The following ELAVL2 variants were observed in gnomAD, a reference collection of about 807,000 sequenced individuals.
The protein encoded by ELAVL2 is ELAV-like protein 2.
ELAVL2 carries 4 observed loss-of-function variants against 34.6 expected under a neutral mutation model. The observed-to-expected ratio is 0.12, with a 90% CI of 0.06 to 0.26. The LOEUF (loss-of-function observed/expected upper bound fraction) is 0.26, where lower values mean the gene tolerates loss of function less well. Ranked by LOEUF, ELAVL2 falls within the 10% of genes least tolerant of loss-of-function variation. ELAVL2 has a pLI of 1.00. For synonymous variants in ELAVL2, 193 were observed against 154.8 expected (o/e 1.25, Z -1.83); for missense variants, 432 against 442.8 (o/e 0.98, Z 0.22).
chr9:23,774,644 G>A (rs543405859), intron 1 of ELAVL2, among the ~76,000 whole-genome samples: 2 of 149,778 alleles, frequency 1.3e-5, no homozygotes, highest in South Asian at 2.2e-4. Flanking sequence ...AAAAGTGTGT[G>A]ACCCCCACCC....
intron 2 of ELAVL2, among the ~76,000 whole-genome samples, chr9:23,759,295 T>G (rs532234824): frequency 6.6e-6 from 1 of 151,956 alleles, no homozygotes; most frequent in South Asian, 2.1e-4. Context: ...GAGGACACTA[T>G]GTTAAGTGAG....
chr9:23,693,044 G>A (rs116232729), intron 6 of ELAVL2, among the ~76,000 whole-genome samples, 160 bp from the exon 7 acceptor site: 1,630 of 152,288 alleles, frequency 0.011, 35 homozygotes, highest in African/African-American at 0.038. Flanking sequence ...AGGTCTGTGT[G>A]TGGCTTTGCA....
chr9:23,763,609 A>T (rs1483242912), intron 1 of ELAVL2, among the ~76,000 whole-genome samples: 1 of 151,948 alleles, frequency 6.6e-6, no homozygotes, highest in Admixed American at 6.6e-5. Flanking sequence ...AAAGAGAAAA[A>T]ACTGTCTTTT....
intron 1 of ELAVL2, chr9:23,779,240 A>C: frequency 1.0e-6 from 1 of 985,412 alleles, no homozygotes; most frequent in Non-Finnish European, 1.2e-6. Flanking sequence ...GTCTTACTTC[A>C]CACTTTTTCT....
chr9:23,720,404 C>T (rs1057063180), intron 3 of ELAVL2, among the ~76,000 whole-genome samples: 1 of 149,792 alleles, frequency 6.7e-6, no homozygotes, highest in Non-Finnish European at 1.5e-5. Flanking sequence ...TCCTGAACTT[C>T]TGACTGCCCA....
intron 1 of ELAVL2, among the ~76,000 whole-genome samples, chr9:23,769,286 C>T (rs1269082334): frequency 6.6e-6 from 1 of 152,142 alleles, no homozygotes; most frequent in Non-Finnish European, 1.5e-5. Flanking sequence ...GGGACAAAAG[C>T]ACTCCAAAAT....
chr9:23,811,303 C>T (rs1357991612), intron 1 of ELAVL2, among the ~76,000 whole-genome samples: 3 of 151,354 alleles, frequency 2.0e-5, no homozygotes, highest in Non-Finnish European at 2.9e-5. Context: ...GGTAACGCAG[C>T]GTACAAGCTG....
At chr9:23,699,650 A>AT in intron 5 of ELAVL2, among the ~76,000 whole-genome samples, 1 of 152,136 alleles carries the variant, frequency 6.6e-6, no homozygotes, top group East Asian at 1.9e-4. Context: ...ATTTATACAT[A>AT]TATTATTCAC....
At chr9:23,740,181 T>C (rs58422217) in intron 2 of ELAVL2, among the ~76,000 whole-genome samples, 10,471 of 152,228 alleles carry the variant, frequency 0.069, 1,176 homozygotes, top group African/African-American at 0.24. Context: ...CCATTCCCAC[T>C]GCCCCATAAA....
chr9:23,734,049 T>G (rs1017951038), intron 2 of ELAVL2, among the ~76,000 whole-genome samples: 1 of 152,218 alleles, frequency 6.6e-6, no homozygotes, highest in Non-Finnish European at 1.5e-5. Context: ...AGAATATGTT[T>G]GAGGTAAGCA....
Position 23,692,414 on chromosome 9 carries a change from A to C in ELAVL2, c.*143T>G. On this transcript the variant is annotated 3_prime_UTR_variant, in exon 7 of 7. Coordinates refer to ENST00000397312, the MANE Select transcript of ELAVL2 (RefSeq NM_004432.5). The stretch of plus-strand genomic sequence containing the variant: ...TCAAATACTAGCAATAAAAAATCTC[A>C]CATATTTCTTAGGATGCTAAGTAGT... 7 of 825,274 alleles carry C rather than the reference A, an allele frequency of 8.5e-6. 1 individual carries two copies. The South Asian group carries it at 1.5e-4, about 18-fold the overall frequency. The allele number at this position is 825,274 out of a possible 1,614,324, so 51.1% of individuals were successfully genotyped here.
At chr9:23,710,214 CTAA>C (rs1449846778) in intron 3 of ELAVL2, among the ~76,000 whole-genome samples, 2 of 152,180 alleles carry the variant, frequency 1.3e-5, no homozygotes, top group African/African-American at 2.4e-5. Flanking sequence ...GCAGCTAAAA[CTAA>C]TGATACATTA....
chr9:23,738,023 C>G (rs1470541528), intron 2 of ELAVL2, among the ~76,000 whole-genome samples: 1 of 152,218 alleles, frequency 6.6e-6, no homozygotes, highest in African/African-American at 2.4e-5. Context: ...ATATCCTTCT[C>G]TCTCCTCCCT....
intron 2 of ELAVL2, chr9:23,735,141 ACAAATCCTGTCTTTAAATGCC>A (rs2047566019): frequency 2.7e-5 from 4 of 148,472 alleles, no homozygotes; most frequent in Non-Finnish European, 1.5e-5. Context: ...CTTAAGAAAA[ACAAATCCTGTCTTTAAATGCC>A]AAAAAATTTG....
intron 2 of ELAVL2, among the ~76,000 whole-genome samples, chr9:23,731,366 G>A (rs576195724): frequency 2.0e-5 from 3 of 151,958 alleles, no homozygotes; most frequent in Non-Finnish European, 4.4e-5. Flanking sequence ...ATCCCCAAAG[G>A]ATTCCACCAT....
intron 3 of ELAVL2, among the ~76,000 whole-genome samples, chr9:23,727,923 AG>A (rs2045628632): frequency 6.6e-6 from 1 of 152,124 alleles, no homozygotes; most frequent in Admixed American, 6.6e-5. Context: ...CCCAATAACC[AG>A]GAATTTTACC....
At chr9:23,777,124 T>C (rs1358038893) in intron 1 of ELAVL2, among the ~76,000 whole-genome samples, 3 of 152,206 alleles carry the variant, frequency 2.0e-5, no homozygotes, top group Non-Finnish European at 4.4e-5. Flanking sequence ...CTTTAACTGT[T>C]GATAAAACTT....
intron 1 of ELAVL2, among the ~76,000 whole-genome samples, chr9:23,778,984 T>C (rs2058660505): frequency 1.3e-5 from 2 of 152,160 alleles, no homozygotes; most frequent in African/African-American, 4.8e-5. Flanking sequence ...AATTCAAACC[T>C]AATCAAATAT....
intron 2 of ELAVL2, among the ~76,000 whole-genome samples, chr9:23,737,978 A>T (rs886898272): frequency 2.0e-5 from 3 of 152,216 alleles, no homozygotes; most frequent in African/African-American, 7.2e-5. Context: ...AAGGGGGAAA[A>T]TTTTTGTTTT....
Sources: gnomAD v4.1 joint callset for allele counts (sites outside exome capture counted in the v4.1 genomes callset) on GRCh38, gnomAD v4.1.1 for gene constraint, MANE v1.5 for transcripts, NCBI Gene and HGNC (gene_info 2026-07-23, HGNC 2026-07-21) for gene names.